The following RGS17 variants were observed in gnomAD, a reference collection of about 807,000 sequenced individuals.
RGS17 encodes regulator of G protein signaling 17, also known as regulator of G-protein signaling 17.
A neutral mutation model predicts 25.5 loss-of-function variants in RGS17; 12 were observed. That is an observed-to-expected ratio of 0.47 (90% CI 0.30 to 0.76). The LOEUF (loss-of-function observed/expected upper bound fraction) is 0.76. Among genes scored for constraint, RGS17 ranks in the 30% least tolerant of loss-of-function variants. The pLI is 0.07. For missense variants in RGS17, 196 were observed against 242.2 expected, an observed-to-expected ratio of 0.81 and a Z score of 1.27; for synonymous variants, 71 against 76.9, an observed-to-expected ratio of 0.92 and a Z score of 0.40.
chr6:153,121,529 G>A (rs1316168403), intron 1 of RGS17, among the ~76,000 whole-genome samples: 7 of 152,226 alleles, frequency 4.6e-5, no homozygotes, highest in Admixed American at 3.3e-4. Context: ...GTGGCAATGA[G>A]CAGACAAGCT....
At chr6:153,096,428 C>T (rs1014668392) in intron 1 of RGS17, among the ~76,000 whole-genome samples, 1 of 152,176 alleles carries the variant, frequency 6.6e-6, no homozygotes, top group African/African-American at 2.4e-5. Flanking sequence ...TGTTTACTCC[C>T]GACTTAAATG....
At position 153,009,327 on chromosome 6, in the gene RGS17, TTGTTGA is replaced by T. The variant is rs1779107936; in HGVS notation, c.*2241_*2246del. 1 of 152,206 alleles carries T rather than the reference TTGTTGA, an allele frequency of 6.6e-6. No homozygotes were observed. The highest frequency in any genetic ancestry group is 2.4e-5 in the African/African-American group (1 of 41,554). The allele number at this position is 152,206 out of a possible 1,614,324, so 9.4% of individuals were successfully genotyped here. On this transcript the variant is annotated 3_prime_UTR_variant, in exon 5 of 5. Transcript: ENST00000206262. ...ATATTTTCTAGTCATGTGCACCAATTTGTTGAGCCTCACACACAGAAACAAATATGA... is the reference window on the plus strand; with the variant it reads ...ATATTTTCTAGTCATGTGCACCAATTGCCTCACACACAGAAACAAATATGA...
chr6:153,024,543 G>A, intron 3 of RGS17, 47 bp from the exon 4 acceptor site: 3 of 1,336,318 alleles, frequency 2.2e-6, no homozygotes, highest in Non-Finnish European at 2.2e-6. Flanking sequence ...TTTGTGACCA[G>A]TGAATGCTAG....
chr6:153,119,891 A>T (rs992878715), intron 1 of RGS17, among the ~76,000 whole-genome samples: 1 of 152,176 alleles, frequency 6.6e-6, no homozygotes, highest in Non-Finnish European at 1.5e-5. Flanking sequence ...CATTGGGACA[A>T]TTTAGAATGT....
intron 1 of RGS17, among the ~76,000 whole-genome samples, chr6:153,061,436 G>C (rs1776636480): frequency 6.6e-6 from 1 of 152,138 alleles, no homozygotes; most frequent in Non-Finnish European, 1.5e-5. Context: ...TTTTCAGAGA[G>C]CAGACATGCT....
intron 1 of RGS17, among the ~76,000 whole-genome samples, chr6:153,101,107 GA>G (rs1777296038): frequency 6.6e-6 from 1 of 151,994 alleles, no homozygotes; most frequent in South Asian, 2.1e-4. Context: ...TCTGAGTTTT[GA>G]AAAATTTAAG....
intron 1 of RGS17, among the ~76,000 whole-genome samples, chr6:153,044,953 T>C (rs1405873126): frequency 1.3e-5 from 2 of 152,212 alleles, no homozygotes; most frequent in Non-Finnish European, 2.9e-5. Context: ...ATCTACTGAA[T>C]GATGTTTTTC....
At position 153,009,512 on chromosome 6, in the gene RGS17, T is replaced by C. The variant is rs1406253054; in HGVS notation, c.*2062A>G. 6.6e-6 allele frequency: 1 copy of C among 152,064 alleles called. No individual in the cohort carries two copies. The highest frequency in any genetic ancestry group is 1.5e-5 in the Non-Finnish European group (1 of 67,882). 9.4% of individuals were successfully genotyped at this position (152,064 alleles called of 1,614,324 possible). On this transcript the variant is annotated 3_prime_UTR_variant, in exon 5 of 5. Coordinates refer to ENST00000206262, the MANE Select transcript of RGS17 (RefSeq NM_012419.5). The stretch of plus-strand genomic sequence containing the variant: ...ACTCTTTAGGAAAAAATATGACTTT[T>C]TGTAAACATCTTCATAGCTATCTTT...
intron 1 of RGS17, among the ~76,000 whole-genome samples, chr6:153,054,057 AAT>A (rs1358229906): frequency 1.5e-5 from 1 of 65,876 alleles, no homozygotes; most frequent in Middle Eastern, 8.1e-3. Context: ...ATATGTATAT[AAT>A]ATATATACAT....
chr6:153,049,890 G>A (rs963375803), intron 1 of RGS17, among the ~76,000 whole-genome samples: 1 of 152,094 alleles, frequency 6.6e-6, no homozygotes, highest in African/African-American at 2.4e-5. Context: ...AAATAAGTGG[G>A]GGTGTTTGTT....
chr6:153,066,703 G>A (rs572631698), intron 1 of RGS17, among the ~76,000 whole-genome samples: 3 of 152,170 alleles, frequency 2.0e-5, no homozygotes, highest in Admixed American at 6.5e-5. Context: ...TATGCAAATC[G>A]ATCAATGTGA....
At chr6:153,086,162 AGAAAAAAT>A in intron 1 of RGS17, among the ~76,000 whole-genome samples, 1 of 152,320 alleles carries the variant, frequency 6.6e-6, no homozygotes, top group African/African-American at 2.4e-5. Context: ...TTTTCTAAAC[AGAAAAAAT>A]GAAAAAATAC....
chr6:153,079,813 T>C (rs150353689), intron 1 of RGS17, among the ~76,000 whole-genome samples: 214 of 152,290 alleles, frequency 1.4e-3, no homozygotes, highest in African/African-American at 5.1e-3. Context: ...ATTAAATGAA[T>C]TGAGAAGTGT....
At chr6:153,088,049 C>T (rs1016406014) in intron 1 of RGS17, among the ~76,000 whole-genome samples, 7 of 152,052 alleles carry the variant, frequency 4.6e-5, no homozygotes, top group Non-Finnish European at 1.0e-4. Context: ...CTCACTTTGT[C>T]ATTTCATGCC....
At position 153,024,244 on chromosome 6, in the gene RGS17, T is replaced by C. The variant is rs1213885525; in HGVS notation, c.444+18A>G. The C allele has an allele frequency of 5.1e-6, 8 of 1,555,126 alleles. No individual in the cohort carries two copies. The African/African-American group carries it at 9.5e-5, about 18-fold the overall frequency. ...CTTGGTCTTAGGAAGCCCACCTCAA[T>C]GTTTTCCAGATTTTTACCTCTTTTG... On this transcript the variant is annotated intron_variant, in intron 4 of 4. Transcript: ENST00000206262.
At chr6:153,097,440 A>C (rs1319613293) in intron 1 of RGS17, among the ~76,000 whole-genome samples, 1 of 151,598 alleles carries the variant, frequency 6.6e-6, no homozygotes, top group Non-Finnish European at 1.5e-5. Flanking sequence ...GTGATTTATA[A>C]ATGATTTTTT....
Position 153,014,329 on chromosome 6 carries a change from G to GA in RGS17, c.445-2568dup, listed in dbSNP as rs1333051385. Among the ~76,000 whole-genome samples, 44 of 151,706 alleles carry GA rather than the reference G, an allele frequency of 2.9e-4. No homozygotes were observed. The East Asian group carries it at 8.1e-3, about 28-fold the overall frequency. The stretch of plus-strand genomic sequence containing the variant: ...CCACTGTCGAGCCCTACTGCTCAAA[G>GA]AAAAAAAAGATTCCTTTTAAAGTTC... On this transcript the variant is annotated intron_variant, in intron 4 of 4. Coordinates refer to ENST00000206262, the MANE Select transcript of RGS17 (RefSeq NM_012419.5).
intron 1 of RGS17, among the ~76,000 whole-genome samples, chr6:153,047,885 G>A (rs1776404774): frequency 6.6e-6 from 1 of 152,106 alleles, no homozygotes; most frequent in African/African-American, 2.4e-5. Flanking sequence ...CTTGCCTCCT[G>A]GGCACCATAC....
At chr6:153,063,001 A>T (rs12665018) in intron 1 of RGS17, among the ~76,000 whole-genome samples, 5,000 of 152,286 alleles carry the variant, frequency 0.033, 385 homozygotes, top group South Asian at 0.26. Context: ...AGTCTGCAAG[A>T]ACCACAGCAT....
Sources: allele counts gnomAD v4.1 joint callset (sites outside exome capture counted in the v4.1 genomes callset), GRCh38; gene constraint gnomAD v4.1.1; transcripts MANE v1.5; gene names NCBI Gene and HGNC (gene_info 2026-07-23, HGNC 2026-07-21).